The following PCDHA12 variants were observed in gnomAD, a reference collection of about 807,000 sequenced individuals.
PCDHA12 encodes protocadherin alpha-12.
A neutral mutation model predicts 60.0 loss-of-function variants in PCDHA12; 44 were observed. The ratio of observed to expected loss-of-function variants is 0.73; its 90% CI spans 0.58 to 0.94. The LOEUF is 0.94. PCDHA12 is among the 40% of genes least tolerant of loss of function. The pLI is 0.00. For missense variants in PCDHA12, 1,276 were observed against 1,239.7 expected (o/e 1.03, Z -0.44); for synonymous variants, 569 against 553.0 (o/e 1.03, Z -0.40).
In PCDHA12 at chr5:140,876,482, T is replaced by G. The variant is rs372044061; in HGVS notation, c.1010T>G (p.Leu337Arg). The G allele has an allele frequency of 1.8e-4, 291 of 1,613,904 alleles. No individual in the cohort carries two copies. The highest frequency in any genetic ancestry group is 2.4e-4 in the Non-Finnish European group (285 of 1,179,894). The change falls in exon 1 of 4, where the codon CTG becomes CGG. Residue 337 changes from leucine to arginine, a missense_variant. Leu to Arg is a moderately radical substitution (Grantham distance 102). Transcript: ENST00000398631. The stretch of plus-strand genomic sequence containing the variant: ...TCCATGGCAGGTCACAGCATGGTCC[T>G]GGTGGAAGTTCTGGACGTGAATGAC... ...IPSMAGHSMV[L>R]VEVLDVNDNV...
rs183786609 is a variant in PCDHA12, at chr5:140,896,576, C to T, written c.2367+18737C>T. ...ATTTTAAGTAGAGATGGGGTTTTGA[C>T]GTGTTGGCCAGGCTGGTCTCGAACT... On this transcript the variant is annotated intron_variant, in intron 1 of 3. Transcript: ENST00000398631. Among the ~76,000 whole-genome samples the T allele has an allele frequency of 3.4e-4, 51 of 151,254 alleles. No individual in the cohort carries two copies. The East Asian group carries it at 4.9e-3, about 14-fold the overall frequency.
At chr5:141,003,441 A>G (rs184470683) in intron 3 of PCDHA12, among the ~76,000 whole-genome samples, 25 of 152,240 alleles carry the variant, frequency 1.6e-4, no homozygotes, top group Non-Finnish European at 1.5e-5. Flanking sequence ...CCTCCCAAGT[A>G]GATGAAATTA....
Position 140,875,895 on chromosome 5 carries a change from T to C in PCDHA12, c.423T>C (p.Pro141=), listed in dbSNP as rs2153332421. ...TCAGAGAAAGGGAACAAAAGGTACC[T>C]GTTTCTGAATCTGCGCCTCTGGACT... ...PVFREREQKV[P]VSESAPLDSH... Residue 141 remains proline (P), a synonymous_variant, in exon 1 of 4, where the codon CCT becomes CCC. Transcript: ENST00000398631. The C allele has an allele frequency of 1.2e-6, 2 of 1,614,196 alleles. No homozygotes were observed. The highest frequency in any genetic ancestry group is 1.7e-6 in the Non-Finnish European group (2 of 1,180,016).
intron 3 of PCDHA12, among the ~76,000 whole-genome samples, chr5:141,000,931 T>G (rs1422337935): frequency 1.3e-5 from 2 of 152,188 alleles, no homozygotes; most frequent in African/African-American, 4.8e-5. Flanking sequence ...CCTGTGTGAT[T>G]TAGGACAAAT....
At position 140,876,261 on chromosome 5, in the gene PCDHA12, A is replaced by G. The variant is rs2056242888; in HGVS notation, c.789A>G (p.Gln263=). 5.6e-6 allele frequency: 9 copies of G among 1,613,942 alleles called. No individual in the cohort carries two copies. The highest frequency in any genetic ancestry group is 7.6e-6 in the Non-Finnish European group (9 of 1,179,904). ...TCCAAAACGACACAAGAGTGATCCA[A>G]CTAAATGCTTCCGATCCAGACGAAG... is the stretch of plus-strand genomic sequence containing the variant. ...ENVQNDTRVI[Q]LNASDPDEGL... The change falls in exon 1 of 4, where the codon CAA becomes CAG. Residue 263 remains glutamine (Q), a synonymous_variant. Transcript: ENST00000398631.
rs1554169712 is a variant in PCDHA12, at chr5:140,877,414, C to T, written c.1942C>T (p.Leu648=). 22 of 1,613,930 alleles carry T rather than the reference C, an allele frequency of 1.4e-5. No homozygotes were observed. The highest frequency in any genetic ancestry group is 1.8e-5 in the Non-Finnish European group (21 of 1,179,882). ...DEADAPRHRL[L]VLVKDHGEPA... is the part of the protein sequence containing the mutation. ...GGCGGACGCTCCGCGCCACCGCCTG[C>T]TGGTGCTGGTGAAGGACCACGGTGA... The change falls in exon 1 of 4, where the codon CTG becomes TTG. Residue 648 remains leucine, a synonymous_variant. Coordinates refer to ENST00000398631, the MANE Select transcript of PCDHA12 (RefSeq NM_018903.4).
chr5:140,978,571 A>G (rs891123704), intron 1 of PCDHA12, among the ~76,000 whole-genome samples: 5 of 152,208 alleles, frequency 3.3e-5, no homozygotes, highest in African/African-American at 1.2e-4. Flanking sequence ...TGTAATACTG[A>G]ATTGGGAATG....
intron 3 of PCDHA12, among the ~76,000 whole-genome samples, chr5:140,991,200 A>C (rs2097437692): frequency 6.6e-6 from 1 of 152,234 alleles, no homozygotes; most frequent in Admixed American, 6.5e-5. Context: ...AATGATGCTC[A>C]ATAAATTTTG....
chr5:140,876,106 C>G lies in PCDHA12; in HGVS notation c.634C>G (p.Leu212Val). ...REQTPKLNLL[L>V]MVIDGGKPEL... ...GCAAACGCCAAAACTCAATTTATTG[C>G]TGATGGTAATCGATGGCGGTAAACC... The change falls in exon 1 of 4, where the codon CTG (leucine) becomes GTG (valine). Residue 212 changes from leucine to valine, a missense_variant. Coordinates refer to ENST00000398631, the MANE Select transcript of PCDHA12 (RefSeq NM_018903.4). 6.2e-7 allele frequency: 1 copy of G among 1,613,942 alleles called. No homozygotes were observed. Among genetic ancestry groups the G allele is most frequent in the Admixed American group, 1.7e-5 (1 of 60,028 alleles).
chr5:140,971,771 T>C (rs1433692038), intron 1 of PCDHA12, among the ~76,000 whole-genome samples: 1 of 152,192 alleles, frequency 6.6e-6, no homozygotes, highest in Non-Finnish European at 1.5e-5. Context: ...TCTTGAATAT[T>C]ATTCAAGATT....
intron 1 of PCDHA12, among the ~76,000 whole-genome samples, chr5:140,917,003 A>C (rs2077823052): frequency 6.6e-6 from 1 of 151,818 alleles, no homozygotes; most frequent in Non-Finnish European, 1.5e-5. Flanking sequence ...CTGTTCCAAA[A>C]TCTCCCTTCA....
intron 1 of PCDHA12, among the ~76,000 whole-genome samples, chr5:140,952,671 A>C (rs1429468287): frequency 6.6e-6 from 1 of 152,176 alleles, no homozygotes; most frequent in Admixed American, 6.5e-5. Context: ...AGTCACTTTC[A>C]CATTTTCAGG....
At position 140,876,814 on chromosome 5, in the gene PCDHA12, G is replaced by T. The variant is rs571648883; in HGVS notation, c.1342G>T (p.Val448Leu). The T allele has an allele frequency of 6.2e-7, 1 of 1,614,226 alleles. No homozygotes were observed. Among genetic ancestry groups the T allele is most frequent in the Non-Finnish European group, 8.5e-7 (1 of 1,180,036 alleles). ...TAGAGTGTCCGTGGAGGTGGCCGACGTGAACGACAATGCGCCTGCGTTCGC... is the reference window on the plus strand; with the variant it reads ...TAGAGTGTCCGTGGAGGTGGCCGACTTGAACGACAATGCGCCTGCGTTCGC... ...TARVSVEVAD[V>L]NDNAPAFAQP... is the part of the protein sequence containing the mutation. Residue 448 changes from valine to leucine, a missense_variant, in exon 1 of 4, where the codon GTG (valine) becomes TTG (leucine). Transcript: ENST00000398631.
At chr5:140,916,363 T>C (rs2077541371) in intron 1 of PCDHA12, among the ~76,000 whole-genome samples, 2 of 152,124 alleles carry the variant, frequency 1.3e-5, no homozygotes, top group African/African-American at 4.8e-5. Context: ...GAAGGAGTCT[T>C]TCACTGTAGC....
intron 1 of PCDHA12, among the ~76,000 whole-genome samples, chr5:140,933,589 G>T (rs1369666636): frequency 8.6e-5 from 13 of 152,012 alleles, no homozygotes; most frequent in Non-Finnish European, 2.9e-5. Context: ...GGGTTTTTAG[G>T]TTGATTTGTC....
chr5:140,879,805 A>G (rs992856039), intron 1 of PCDHA12, among the ~76,000 whole-genome samples: 1 of 152,128 alleles, frequency 6.6e-6, no homozygotes, highest in Non-Finnish European at 1.5e-5. Flanking sequence ...TCCAGTTTCT[A>G]TTGGCTGTTG....
At chr5:140,880,045 G>A (rs1345443297) in intron 1 of PCDHA12, among the ~76,000 whole-genome samples, 2 of 152,164 alleles carry the variant, frequency 1.3e-5, no homozygotes, top group Admixed American at 6.5e-5. Flanking sequence ...GGATTAAGAT[G>A]TGGGCATAAC....
intron 3 of PCDHA12, 42 bp downstream of exon 3, chr5:140,982,605 A>G: frequency 1.9e-6 from 3 of 1,605,520 alleles, no homozygotes; most frequent in Non-Finnish European, 2.6e-6. Flanking sequence ...GGTTTCTGGA[A>G]AGTGATCAGA....
chr5:140,887,251 C>G (rs2153419046), intron 1 of PCDHA12, among the ~76,000 whole-genome samples: 1 of 152,162 alleles, frequency 6.6e-6, no homozygotes. Context: ...CGCCCGCCAC[C>G]ACGCCCTGCT....
Sources: allele counts gnomAD v4.1 joint callset (sites outside exome capture counted in the v4.1 genomes callset), GRCh38; gene constraint gnomAD v4.1.1; transcripts MANE v1.5; gene names NCBI Gene and HGNC (gene_info 2026-07-23, HGNC 2026-07-21).